The following NAA11 variants were observed in gnomAD, a reference collection of about 807,000 sequenced individuals.
NAA11 encodes the protein N-alpha-acetyltransferase 11, NatA catalytic subunit.
In NAA11, 15 loss-of-function variants were observed where a neutral mutation model predicts 16.1. That is an observed-to-expected ratio of 0.93 (90% CI 0.62 to 1.44). NAA11 has a LOEUF of 1.44. Among genes scored for constraint, NAA11 ranks in the 40% most tolerant of loss-of-function variants. The pLI is 0.00. For synonymous variants in NAA11, 122 were observed against 112.4 expected (o/e 1.09, Z -0.54); for missense variants, 298 against 291.3 (o/e 1.02, Z -0.17).
At chr4:79,248,788 A>T (rs1458877531) in intron 2 of NAA11, among the ~76,000 whole-genome samples, 2 of 152,110 alleles carry the variant, frequency 1.3e-5, no homozygotes, top group Non-Finnish European at 2.9e-5. Flanking sequence ...TGCTGCCACC[A>T]CTGCTGCTGT....
chr4:79,305,917 T>C (rs1177730633), intron 1 of NAA11, among the ~76,000 whole-genome samples: 1 of 152,228 alleles, frequency 6.6e-6, no homozygotes, highest in African/African-American at 2.4e-5. Flanking sequence ...CCTACTTACA[T>C]GTCTACTTCT....
Position 79,273,994 on chromosome 4 carries a change from T to C in NAA11, c.*122+20011A>G, listed in dbSNP as rs542994297. 5.9e-5 allele frequency among the ~76,000 whole-genome samples: 9 copies of C among 151,712 alleles called. No homozygotes were observed. The South Asian group carries it at 1.9e-3, about 32-fold the overall frequency. Reference sequence around the variant, plus strand: ...GGGGAAGCATAAGGATATCTGAAGGTGACACATGCTGTCAGTTGATGAACA... The same window carrying C: ...GGGGAAGCATAAGGATATCTGAAGGCGACACATGCTGTCAGTTGATGAACA... On this transcript the variant is annotated intron_variant and NMD_transcript_variant, in intron 2 of 2. Transcript: ENST00000511542.
chr4:79,286,034 GC>G (rs1722899773), intron 2 of NAA11, among the ~76,000 whole-genome samples: 1 of 151,966 alleles, frequency 6.6e-6, no homozygotes, highest in African/African-American at 2.4e-5. Context: ...AGTGATTTCT[GC>G]TTCCAGACAT....
chr4:79,273,853 G>A (rs1056474888), intron 2 of NAA11, among the ~76,000 whole-genome samples: 1 of 152,026 alleles, frequency 6.6e-6, no homozygotes, highest in Non-Finnish European at 1.5e-5. Flanking sequence ...CAAGTCCCTT[G>A]CTTCTTCATG....
At chr4:79,178,634 G>A in the NAA11 span, among the ~76,000 whole-genome samples, 1 of 152,190 alleles carries the variant, frequency 6.6e-6, no homozygotes, top group African/African-American at 2.4e-5. Context: ...GCTTTTGTGG[G>A]ACTTCAAGCC....
chr4:79,193,706 C>T, the NAA11 span, among the ~76,000 whole-genome samples: 7 of 152,090 alleles, frequency 4.6e-5, no homozygotes, highest in South Asian at 2.1e-4. Flanking sequence ...TTTGGCAATG[C>T]GGGCTCTTTT....
intron 2 of NAA11, among the ~76,000 whole-genome samples, chr4:79,232,769 A>T (rs1219321306): frequency 6.6e-6 from 1 of 151,998 alleles, no homozygotes; most frequent in African/African-American, 2.4e-5. Flanking sequence ...GACAACTGCC[A>T]TGGGGATAAA....
intron 2 of NAA11, among the ~76,000 whole-genome samples, chr4:79,239,800 TAGTC>T (rs1267191124): frequency 2.0e-5 from 3 of 152,186 alleles, no homozygotes; most frequent in Non-Finnish European, 2.9e-5. Context: ...TCTATTTTAA[TAGTC>T]AGGAGGATAA....
the NAA11 span, among the ~76,000 whole-genome samples, chr4:79,199,531 A>C: frequency 2.6e-5 from 4 of 152,018 alleles, no homozygotes; most frequent in South Asian, 8.3e-4. Flanking sequence ...GTGACAAAAA[A>C]CAGATACAAT....
chr4:79,267,801 G>A (rs534714433), intron 2 of NAA11, among the ~76,000 whole-genome samples: 1 of 152,192 alleles, frequency 6.6e-6, no homozygotes, highest in South Asian at 2.1e-4. Context: ...TTTAGGGTGT[G>A]TGTCTTCAGT....
At chr4:79,187,577 T>G in the NAA11 span, among the ~76,000 whole-genome samples, 15 of 152,202 alleles carry the variant, frequency 9.9e-5, no homozygotes, top group Admixed American at 1.3e-4. Flanking sequence ...TCTCCAACTG[T>G]GTCATTTGAT....
chr4:79,246,376 CTAAA>C (rs1471113409), intron 2 of NAA11, among the ~76,000 whole-genome samples: 4,056 of 114,168 alleles, frequency 0.036, 111 homozygotes, highest in South Asian at 0.093. Context: ...TCAATAAATA[CTAAA>C]AAAAAAAAAA....
At chr4:79,181,873 G>A in the NAA11 span, among the ~76,000 whole-genome samples, 3 of 152,208 alleles carry the variant, frequency 2.0e-5, no homozygotes, top group East Asian at 5.8e-4. Flanking sequence ...ATGTAGTTCT[G>A]TTGAAAATCA....
chr4:79,225,118 ATTAG>A (rs1410477949), downstream of NAA11, among the ~76,000 whole-genome samples: 1 of 152,112 alleles, frequency 6.6e-6, no homozygotes, highest in East Asian at 1.9e-4. Flanking sequence ...TTATATCAAT[ATTAG>A]TTTATTAATT....
At chr4:79,318,948 T>C (rs1277334448) in intron 1 of NAA11, among the ~76,000 whole-genome samples, 1 of 152,062 alleles carries the variant, frequency 6.6e-6, no homozygotes, top group Non-Finnish European at 1.5e-5. Flanking sequence ...GACAGGGTCT[T>C]GCTCTGTCAC....
At chr4:79,252,589 A>G (rs1722020965) in intron 2 of NAA11, among the ~76,000 whole-genome samples, 1 of 152,248 alleles carries the variant, frequency 6.6e-6, no homozygotes. Flanking sequence ...GAATGTGATT[A>G]GGGAAGTCTT....
intron 2 of NAA11, among the ~76,000 whole-genome samples, chr4:79,237,476 T>G (rs1252908654): frequency 6.6e-6 from 1 of 152,224 alleles, no homozygotes; most frequent in Non-Finnish European, 1.5e-5. Context: ...ATTCTATTTT[T>G]ATAAAAAGCT....
chr4:79,259,545 C>G (rs537142121), intron 2 of NAA11, among the ~76,000 whole-genome samples: 1 of 152,344 alleles, frequency 6.6e-6, no homozygotes, highest in East Asian at 1.9e-4. Context: ...GGGATCCAGA[C>G]TGGTAGCATG....
At chr4:79,173,768 G>A in the NAA11 span, among the ~76,000 whole-genome samples, 1 of 152,078 alleles carries the variant, frequency 6.6e-6, no homozygotes, top group Non-Finnish European at 1.5e-5. Context: ...CACGTTCTGG[G>A]GCTAATGAGA....
Sources: gnomAD v4.1 joint callset for allele counts (sites outside exome capture counted in the v4.1 genomes callset) on GRCh38, gnomAD v4.1.1 for gene constraint, MANE v1.5 for transcripts, NCBI Gene and HGNC (gene_info 2026-07-23, HGNC 2026-07-21) for gene names.